The following DCLK1 variants were observed in gnomAD, a reference collection of about 807,000 sequenced individuals.
The protein encoded by DCLK1 is doublecortin like kinase 1, also known as serine/threonine-protein kinase DCLK1.
In DCLK1, 16 loss-of-function variants were observed where a neutral mutation model predicts 86.2. The observed-to-expected ratio is 0.19, with a 90% CI of 0.13 to 0.28. DCLK1 has a LOEUF of 0.28. Among genes scored for constraint, DCLK1 ranks in the 10% least tolerant of loss-of-function variants. The pLI, the probability that DCLK1 is intolerant of heterozygous loss-of-function variation, is 1.00. For missense variants in DCLK1, 590 were observed against 940.2 expected, an observed-to-expected ratio of 0.63 and a Z score of 4.87; for synonymous variants, 369 against 370.5, an observed-to-expected ratio of 1.00 and a Z score of 0.05.
chr13:35,991,326 T>C (rs558041394), intron 3 of DCLK1, among the ~76,000 whole-genome samples: 7 of 152,144 alleles, frequency 4.6e-5, no homozygotes, highest in Non-Finnish European at 8.8e-5. Flanking sequence ...GAAGTTTAAC[T>C]ATTTTTTTAG....
intron 3 of DCLK1, among the ~76,000 whole-genome samples, chr13:36,045,888 A>G (rs568415530): frequency 1.3e-5 from 2 of 152,072 alleles, no homozygotes; most frequent in Non-Finnish European, 2.9e-5. Context: ...AGCCAAGTTC[A>G]GTGCTCAATA....
chr13:36,111,815 C>T (rs1382021846), intron 3 of DCLK1, 54 bp downstream of exon 3: 10 of 1,525,810 alleles, frequency 6.6e-6, no homozygotes, highest in Middle Eastern at 1.7e-4. Flanking sequence ...GTACACCCTC[C>T]GACTCCCTGG....
At chr13:35,856,999 C>T (rs939427818) in intron 5 of DCLK1, among the ~76,000 whole-genome samples, 1 of 152,152 alleles carries the variant, frequency 6.6e-6, no homozygotes, top group African/African-American at 2.4e-5. Flanking sequence ...CCTTGCCTTA[C>T]TGTGCCAGCC....
chr13:36,124,700 G>C (rs1409478890), intron 2 of DCLK1, among the ~76,000 whole-genome samples: 1 of 152,162 alleles, frequency 6.6e-6, no homozygotes, highest in Non-Finnish European at 1.5e-5. Context: ...TGAGTTACAC[G>C]GCCTGAGCAA....
intron 3 of DCLK1, among the ~76,000 whole-genome samples, chr13:35,986,411 C>A (rs1056421999): frequency 1.3e-5 from 2 of 151,296 alleles, no homozygotes; most frequent in Non-Finnish European, 2.9e-5. Context: ...CAAACCCACC[C>A]TAGCAAGCGA....
Position 36,012,095 on chromosome 13 carries a change from T to A in DCLK1, c.724-64638A>T, listed in dbSNP as rs1429728382. 1.2e-3 allele frequency among the ~76,000 whole-genome samples: 175 copies of A among 140,150 alleles called. 1 individual carries two copies. The Middle Eastern group carries it at 0.017, about 14-fold the overall frequency. 91.9% of individuals were successfully genotyped at this position (140,150 alleles called of 152,430 possible). ...CATTTGCTTGGTAGATCTTCCTCCA[T>A]CCTTTTATTTTGAGCCTATGTGTGT... On this transcript the variant is annotated intron_variant, in intron 3 of 16. Transcript: ENST00000360631.
At chr13:36,121,172 T>C (rs539997882) in intron 2 of DCLK1, among the ~76,000 whole-genome samples, 2 of 152,346 alleles carry the variant, frequency 1.3e-5, no homozygotes, top group East Asian at 1.9e-4. Context: ...AGGAGTACTA[T>C]GAAGTCAGTA....
At chr13:35,793,513 A>G (rs1018135787) in intron 15 of DCLK1, 34 bp from the exon 16 acceptor site, 2 of 1,512,780 alleles carry the variant, frequency 1.3e-6, no homozygotes, top group Admixed American at 3.8e-5. Context: ...AGAGAAAAAG[A>G]AAGAAAATGA....
At chr13:35,884,130 G>A (rs183728680) in intron 4 of DCLK1, among the ~76,000 whole-genome samples, 684 of 152,198 alleles carry the variant, frequency 4.5e-3, no homozygotes, top group Middle Eastern at 6.8e-3. Flanking sequence ...ATTCTCCTGT[G>A]GATTGATAAG....
intron 4 of DCLK1, among the ~76,000 whole-genome samples, chr13:35,935,744 A>T (rs1037930874): frequency 6.6e-6 from 1 of 152,200 alleles, no homozygotes; most frequent in Non-Finnish European, 1.5e-5. Flanking sequence ...TTTAAAGATT[A>T]AGGATATATT....
At chr13:35,951,832 C>T (rs1877708198) in intron 3 of DCLK1, among the ~76,000 whole-genome samples, 1 of 152,134 alleles carries the variant, frequency 6.6e-6, no homozygotes, top group African/African-American at 2.4e-5. Flanking sequence ...AATCAGGAAA[C>T]CTCCATCAGC....
intron 4 of DCLK1, among the ~76,000 whole-genome samples, chr13:35,879,789 A>G (rs4941823): frequency 0.55 from 83,251 of 151,988 alleles, 22,942 homozygotes; most frequent in South Asian, 0.64. Flanking sequence ...ATGAATACTG[A>G]TCTTTCCTTT....
intron 15 of DCLK1, among the ~76,000 whole-genome samples, chr13:35,795,289 C>G (rs2086785448): frequency 6.6e-6 from 1 of 152,156 alleles, no homozygotes; most frequent in South Asian, 2.1e-4. Context: ...AGAAGTCAAA[C>G]AGTTTGTCTC....
intron 15 of DCLK1, among the ~76,000 whole-genome samples, chr13:35,800,921 A>T (rs1305082550): frequency 6.8e-6 from 1 of 146,336 alleles, no homozygotes; most frequent in Non-Finnish European, 1.5e-5. Flanking sequence ...GTGTGGCTTC[A>T]CTACGTTGGC....
At chr13:36,045,080 A>G (rs1024342293) in intron 3 of DCLK1, among the ~76,000 whole-genome samples, 3 of 151,400 alleles carry the variant, frequency 2.0e-5, no homozygotes, top group African/African-American at 7.3e-5. Flanking sequence ...AGAAGGATTC[A>G]TGACTTTTTT....
chr13:35,982,356 G>A (rs748439470), intron 3 of DCLK1, among the ~76,000 whole-genome samples: 8 of 149,914 alleles, frequency 5.3e-5, no homozygotes, highest in Non-Finnish European at 1.2e-4. Flanking sequence ...ACTCCAGCCT[G>A]GACAACAGAG....
At chr13:35,975,965 G>A (rs1024645063) in intron 3 of DCLK1, among the ~76,000 whole-genome samples, 2 of 152,102 alleles carry the variant, frequency 1.3e-5, no homozygotes, top group Non-Finnish European at 2.9e-5. Flanking sequence ...CACATCCTCC[G>A]ACCTATTTCC....
At chr13:35,779,915 C>T (rs769312411) in intron 16 of DCLK1, among the ~76,000 whole-genome samples, 21 of 151,718 alleles carry the variant, frequency 1.4e-4, no homozygotes, top group Admixed American at 5.3e-4. Flanking sequence ...GCACTGTAGG[C>T]TAATATATAA....
intron 3 of DCLK1, among the ~76,000 whole-genome samples, chr13:36,051,742 G>C (rs887037752): frequency 6.6e-6 from 1 of 152,116 alleles, no homozygotes; most frequent in Non-Finnish European, 1.5e-5. Context: ...GTAAAGTTGA[G>C]AATGAACACT....
Sources: allele counts gnomAD v4.1 joint callset (sites outside exome capture counted in the v4.1 genomes callset), GRCh38; gene constraint gnomAD v4.1.1; transcripts MANE v1.5; gene names NCBI Gene and HGNC (gene_info 2026-07-23, HGNC 2026-07-21).